Variants in ATP8A2 observed in about 807,000 individuals in gnomAD.
ATP8A2 encodes the protein ATPase phospholipid transporting 8A2.
In ATP8A2, 100 loss-of-function variants were observed where a neutral mutation model predicts 165.6. That is an observed-to-expected ratio of 0.60 (90% CI 0.51 to 0.71). The LOEUF (loss-of-function observed/expected upper bound fraction) is 0.71. Ranked by LOEUF, ATP8A2 falls within the 30% of genes least tolerant of loss-of-function variation. The pLI is 0.00. For synonymous variants in ATP8A2, 543 were observed against 548.8 expected (o/e 0.99, Z 0.15); for missense variants, 1,227 against 1,479.5 (o/e 0.83, Z 2.80).
chr13:25,989,501 G>A (rs1050680221), intron 35 of ATP8A2, among the ~76,000 whole-genome samples: 5 of 152,108 alleles, frequency 3.3e-5, no homozygotes, highest in African/African-American at 1.2e-4. Flanking sequence ...TCCATGTCTT[G>A]ACATCTTAGG....
intron 27 of ATP8A2, among the ~76,000 whole-genome samples, chr13:25,788,642 TACC>T (rs66800521): frequency 0.022 from 3,281 of 152,316 alleles, 62 homozygotes; most frequent in Middle Eastern, 0.061. Context: ...TCCCTTGCTC[TACC>T]TTAAAGACAG....
At chr13:25,826,439 G>A (rs1327897631) in intron 27 of ATP8A2, among the ~76,000 whole-genome samples, 1 of 152,150 alleles carries the variant, frequency 6.6e-6, no homozygotes, top group Non-Finnish European at 1.5e-5. Context: ...CGGGGACTTG[G>A]TGAGTACCTG....
At chr13:25,399,142 C>T (rs545549303) in intron 1 of ATP8A2, among the ~76,000 whole-genome samples, 223 of 152,206 alleles carry the variant, frequency 1.5e-3, no homozygotes, top group South Asian at 6.4e-3. Flanking sequence ...ATGTGATATA[C>T]CACCCAGTGT....
chr13:25,787,232 A>G (rs2045052497), intron 27 of ATP8A2, among the ~76,000 whole-genome samples: 1 of 152,108 alleles, frequency 6.6e-6, no homozygotes, highest in African/African-American at 2.4e-5. Flanking sequence ...CCCTCAGGGG[A>G]CTCAGTTCCT....
intron 23 of ATP8A2, among the ~76,000 whole-genome samples, chr13:25,585,178 A>G (rs2039887556): frequency 6.6e-6 from 1 of 152,164 alleles, no homozygotes; most frequent in South Asian, 2.1e-4. Context: ...TGTTGCCAGA[A>G]TCCTGCAACA....
In ATP8A2 at chr13:25,774,831, G is replaced by T. The variant is rs769728096; in HGVS notation, c.2569-18G>T. ...TCAATGATGGGCTCTTCTGAGCTTT[G>T]TAATTTTCCTTTTTCAGTTTTCCTA... On this transcript the variant is annotated intron_variant, in intron 26 of 36. Transcript: ENST00000381655. 8.1e-6 allele frequency: 12 copies of T among 1,477,508 alleles called. No homozygotes were observed. The African/African-American group carries it at 1.7e-4, about 21-fold the overall frequency. The allele number at this position is 1,477,508 out of a possible 1,614,324, so 91.5% of individuals were successfully genotyped here.
At chr13:25,458,635 A>C (rs953060618) in intron 1 of ATP8A2, among the ~76,000 whole-genome samples, 2 of 152,242 alleles carry the variant, frequency 1.3e-5, no homozygotes, top group Non-Finnish European at 1.5e-5. Context: ...TTTGATTTCC[A>C]GAAGGTGGAG....
intron 27 of ATP8A2, among the ~76,000 whole-genome samples, chr13:25,775,453 G>A (rs1268438583): frequency 6.6e-6 from 1 of 152,178 alleles, no homozygotes; most frequent in Non-Finnish European, 1.5e-5. Flanking sequence ...TTGGACACTG[G>A]TACTTACGTG....
At chr13:25,996,553 C>T (rs1294440671) in intron 35 of ATP8A2, among the ~76,000 whole-genome samples, 1 of 152,156 alleles carries the variant, frequency 6.6e-6, no homozygotes, top group East Asian at 1.9e-4. Flanking sequence ...GAGATGGAGT[C>T]TTACTCTGTT....
At chr13:25,919,507 G>A (rs1244079697) in intron 33 of ATP8A2, among the ~76,000 whole-genome samples, 1 of 152,116 alleles carries the variant, frequency 6.6e-6, no homozygotes, top group East Asian at 1.9e-4. Flanking sequence ...TGTAGAAGGT[G>A]CTGCGAGGTG....
chr13:25,969,632 T>C (rs1462436842), intron 35 of ATP8A2, among the ~76,000 whole-genome samples: 1 of 152,246 alleles, frequency 6.6e-6, no homozygotes, highest in African/African-American at 2.4e-5. Flanking sequence ...GCAAACATTT[T>C]GAGAGGCTTT....
intron 1 of ATP8A2, among the ~76,000 whole-genome samples, chr13:25,409,592 G>T (rs562848327): frequency 1.3e-5 from 2 of 152,184 alleles, no homozygotes; most frequent in African/African-American, 4.8e-5. Context: ...GCTTAGTCAA[G>T]TGTGGTACCT....
intron 27 of ATP8A2, among the ~76,000 whole-genome samples, chr13:25,781,614 A>G (rs947268194): frequency 6.6e-6 from 1 of 151,920 alleles, no homozygotes; most frequent in South Asian, 2.1e-4. Flanking sequence ...TCAGCCTCCC[A>G]AGTAACTGGA....
intron 30 of ATP8A2, among the ~76,000 whole-genome samples, chr13:25,842,707 AAAG>A (rs1951772441): frequency 6.6e-6 from 1 of 151,178 alleles, no homozygotes; most frequent in African/African-American, 2.4e-5. Context: ...AAAGAAAAGG[AAAG>A]AAGGAAGGAA....
chr13:25,919,337 G>A (rs1954370316), intron 33 of ATP8A2, among the ~76,000 whole-genome samples: 1 of 152,120 alleles, frequency 6.6e-6, no homozygotes, highest in Admixed American at 6.5e-5. Flanking sequence ...ACAACATTTA[G>A]AATTGGTGTG....
intron 27 of ATP8A2, among the ~76,000 whole-genome samples, chr13:25,805,414 G>A (rs1178807398): frequency 6.6e-6 from 1 of 152,128 alleles, no homozygotes; most frequent in African/African-American, 2.4e-5. Context: ...TACTTGGGAA[G>A]CTAAGATCAG....
At position 25,891,913 on chromosome 13, in the gene ATP8A2, G is replaced by A. The variant is rs147536376; in HGVS notation, c.3183+29505G>A. On this transcript the variant is annotated intron_variant, in intron 33 of 36. Transcript: ENST00000381655. ...ATTGTACTGGGTTGGTAGTGTGTGC[G>A]TGTGTGTGGTTTGCTTGATTTTGAG... 3.5e-3 allele frequency among the ~76,000 whole-genome samples: 537 copies of A among 152,146 alleles called. 3 individuals are homozygous for A. Among genetic ancestry groups the A allele is most frequent in the East Asian group, 0.017 (89 of 5,176 alleles).
intron 27 of ATP8A2, among the ~76,000 whole-genome samples, chr13:25,788,731 TG>T (rs2045093851): frequency 6.6e-6 from 1 of 152,250 alleles, no homozygotes; most frequent in Non-Finnish European, 1.5e-5. Context: ...TGATTACATC[TG>T]TTAGATTAAC....
chr13:25,655,929 A>T (rs2041917555), intron 24 of ATP8A2, among the ~76,000 whole-genome samples: 1 of 152,174 alleles, frequency 6.6e-6, no homozygotes. Flanking sequence ...AACTTGTGAG[A>T]TGTCACTAGA....
Sources: allele counts gnomAD v4.1 joint callset (sites outside exome capture counted in the v4.1 genomes callset), GRCh38; gene constraint gnomAD v4.1.1; transcripts MANE v1.5; gene names NCBI Gene and HGNC (gene_info 2026-07-23, HGNC 2026-07-21).